Variants in TRPM3 observed in about 807,000 individuals in gnomAD.
TRPM3 encodes transient receptor potential cation channel subfamily M member 3, also known as long transient receptor potential channel 3.
A neutral mutation model predicts 181.2 loss-of-function variants in TRPM3; 77 were observed. The ratio of observed to expected loss-of-function variants is 0.42; its 90% CI spans 0.35 to 0.51. The LOEUF (loss-of-function observed/expected upper bound fraction) is 0.51. TRPM3 is among the 20% of genes least tolerant of loss of function. The pLI is 0.01. For missense variants in TRPM3, 1,759 were observed against 2,196.7 expected (o/e 0.80, Z 3.98); for synonymous variants, 745 against 796.4 (o/e 0.94, Z 1.09).
At chr9:71,187,346 C>A (rs537587157) in intron 1 of TRPM3, among the ~76,000 whole-genome samples, 212 of 152,074 alleles carry the variant, frequency 1.4e-3, no homozygotes, top group African/African-American at 4.8e-3. Context: ...CCAGGAAATT[C>A]CTACTCACAG....
intron 1 of TRPM3, among the ~76,000 whole-genome samples, chr9:71,244,207 G>A (rs957853526): frequency 3.3e-5 from 5 of 152,136 alleles, no homozygotes; most frequent in African/African-American, 1.2e-4. Context: ...GCACATTCCC[G>A]TAGCAGCATG....
chr9:70,553,371 A>G, intron 22 of TRPM3, 61 bp from the exon 23 acceptor site: 1 of 1,584,090 alleles, frequency 6.3e-7, no homozygotes, highest in Non-Finnish European at 8.6e-7. Context: ...AAAAAAAATA[A>G]AAAGATGGAT....
chr9:70,791,009 C>T (rs941389378), intron 6 of TRPM3, among the ~76,000 whole-genome samples: 1 of 152,118 alleles, frequency 6.6e-6, no homozygotes, highest in Non-Finnish European at 1.5e-5. Flanking sequence ...AAATGCATCT[C>T]ATTTTAACTA....
chr9:71,405,615 T>C (rs1171201909), intron 1 of TRPM3, among the ~76,000 whole-genome samples: 2 of 152,234 alleles, frequency 1.3e-5, no homozygotes, highest in Admixed American at 1.3e-4. Flanking sequence ...GAGAGTCCTG[T>C]TGAAACTCTG....
At chr9:70,626,271 G>A (rs977287922) in intron 12 of TRPM3, among the ~76,000 whole-genome samples, 3 of 152,160 alleles carry the variant, frequency 2.0e-5, no homozygotes, top group Non-Finnish European at 1.5e-5. Flanking sequence ...TGAGTGCATA[G>A]TGAATTCCAA....
At chr9:71,256,248 G>A (rs12380581) in intron 1 of TRPM3, among the ~76,000 whole-genome samples, 38,712 of 152,102 alleles carry the variant, frequency 0.25, 5,893 homozygotes, top group African/African-American at 0.42. Context: ...AAGTCACTGC[G>A]TATTAATGAG....
chr9:70,616,005 T>C lies in TRPM3; in HGVS notation c.2429A>G (p.Tyr810Cys). 5 of 1,613,138 alleles carry C rather than the reference T, an allele frequency of 3.1e-6. No individual in the cohort carries two copies. In the South Asian group the frequency reaches 3.3e-5, roughly 11 times the overall value. The change falls in exon 18 of 26, where the codon TAT (tyrosine) becomes TGT (cysteine). Residue 810 changes from tyrosine (Y) to cysteine (C), a missense_variant. Physicochemically the swap from Tyr to Cys is radical, Grantham distance 194. Around this residue, in one of 8 missense-constraint regions of TRPM3, gnomAD observed 114 missense variants for 134.8 expected, o/e 0.85. Coordinates refer to ENST00000677713, the MANE Select transcript of TRPM3 (RefSeq NM_001366145.2). The stretch of plus-strand genomic sequence containing the variant: ...GTGGATTTCCTGGGCCTGAGACATA[T>C]AGGGCATGTCGTCTTTGTTCTTGAA... ...LEFKNKDDMP[Y>C]MSQAQEIHLQ...
chr9:71,158,122 G>A (rs1219392778), intron 1 of TRPM3, among the ~76,000 whole-genome samples: 1 of 152,078 alleles, frequency 6.6e-6, no homozygotes, highest in Non-Finnish European at 1.5e-5. Context: ...CTTTGATACA[G>A]AAATATATTT....
chr9:70,836,795 G>C (rs2094352052), intron 5 of TRPM3, among the ~76,000 whole-genome samples: 1 of 152,172 alleles, frequency 6.6e-6, no homozygotes, highest in Admixed American at 6.6e-5. Flanking sequence ...ATTGCCATCT[G>C]TATGAGATGC....
intron 7 of TRPM3, among the ~76,000 whole-genome samples, chr9:70,769,717 T>C (rs554198782): frequency 5.4e-4 from 83 of 152,344 alleles, no homozygotes; most frequent in Middle Eastern, 3.4e-3. Flanking sequence ...CCACTTGATA[T>C]ATATTTCTAT....
chr9:70,799,470 C>A (rs926353878), intron 6 of TRPM3, among the ~76,000 whole-genome samples: 1 of 152,208 alleles, frequency 6.6e-6, no homozygotes, highest in African/African-American at 2.4e-5. Flanking sequence ...TTTCCTGTGA[C>A]TAAATCCTCA....
intron 1 of TRPM3, among the ~76,000 whole-genome samples, chr9:71,047,816 A>T (rs1305240080): frequency 9.2e-4 from 19 of 20,760 alleles, no homozygotes; most frequent in African/African-American, 2.9e-3. Flanking sequence ...TGCATCACAC[A>T]CACACACACA....
chr9:70,822,611 G>A (rs1214266809), intron 6 of TRPM3, among the ~76,000 whole-genome samples: 3 of 152,090 alleles, frequency 2.0e-5, no homozygotes, highest in Non-Finnish European at 4.4e-5. Context: ...TGGTGAAAAC[G>A]TTCTGGAGAT....
chr9:70,691,081 A>C (rs148568127), intron 8 of TRPM3, among the ~76,000 whole-genome samples: 4 of 152,320 alleles, frequency 2.6e-5, no homozygotes, highest in Non-Finnish European at 5.9e-5. Flanking sequence ...GAGCAAACAA[A>C]AGATCAGTGG....
chr9:70,646,875 C>CAA (rs200789716), intron 9 of TRPM3, among the ~76,000 whole-genome samples: 4,141 of 85,190 alleles, frequency 0.049, 83 homozygotes, highest in Non-Finnish European at 0.057. Context: ...CATGGAAGTA[C>CAA]AAAAAAAAAA....
chr9:70,963,978 C>G (rs139020799), intron 1 of TRPM3, among the ~76,000 whole-genome samples: 2 of 152,134 alleles, frequency 1.3e-5, no homozygotes, highest in African/African-American at 4.8e-5. Flanking sequence ...GTGGTTTCTT[C>G]TTTTGGCTAG....
At chr9:70,621,110 T>C in intron 15 of TRPM3, 134 bp downstream of exon 15, 2 of 218,346 alleles carry the variant, frequency 9.2e-6, no homozygotes, top group East Asian at 1.4e-4. Context: ...AGTATATATA[T>C]ATTATATATA....
intron 1 of TRPM3, among the ~76,000 whole-genome samples, chr9:71,265,206 A>C (rs931731467): frequency 2.0e-5 from 3 of 152,238 alleles, no homozygotes; most frequent in Non-Finnish European, 4.4e-5. Flanking sequence ...TATACATTTT[A>C]AAGTATCAAA....
chr9:71,407,200 T>C (rs941303704), intron 1 of TRPM3, among the ~76,000 whole-genome samples: 1 of 152,116 alleles, frequency 6.6e-6, no homozygotes, highest in East Asian at 1.9e-4. Flanking sequence ...CCAACTGAGG[T>C]ACCGGGTTCA....
Sources: allele counts gnomAD v4.1 joint callset (sites outside exome capture counted in the v4.1 genomes callset), GRCh38; gene constraint gnomAD v4.1.1; regional missense constraint gnomAD v4.1.1; transcripts MANE v1.5; gene names NCBI Gene and HGNC (gene_info 2026-07-23, HGNC 2026-07-21).